Variants in SEMA4F observed in about 807,000 individuals in gnomAD.
The protein encoded by SEMA4F is semaphorin-4F.
SEMA4F carries 51 observed loss-of-function variants against 78.4 expected under a neutral mutation model. The ratio of observed to expected loss-of-function variants is 0.65; its 90% CI spans 0.52 to 0.82. The LOEUF (loss-of-function observed/expected upper bound fraction) is 0.82. Among genes scored for constraint, SEMA4F ranks in the 40% least tolerant of loss-of-function variants. SEMA4F has a pLI of 0.00. For synonymous variants in SEMA4F, 418 were observed against 408.7 expected (o/e 1.02, Z -0.27); for missense variants, 938 against 1,014.4 (o/e 0.92, Z 1.02).
chr2:74,674,855 T>C (rs1685176242), intron 8 of SEMA4F, 33 bp from the exon 9 acceptor site: 1 of 1,610,058 alleles, frequency 6.2e-7, no homozygotes, highest in African/African-American at 1.3e-5. Flanking sequence ...CCCAGACCCC[T>C]CCATATATCC....
rs1427559288 is a variant in SEMA4F, at chr2:74,654,400, C to T, written c.24C>T (p.Pro8=). The T allele has an allele frequency of 4.6e-6, 7 of 1,527,646 alleles. No individual in the cohort carries two copies. The South Asian group carries it at 7.2e-5, about 16-fold the overall frequency. 94.6% of individuals were successfully genotyped at this position (1,527,646 alleles called of 1,614,324 possible). Residue 8 remains proline, a synonymous_variant, in exon 1 of 14, where the codon CCC becomes CCT. Coordinates refer to ENST00000357877, the MANE Select transcript of SEMA4F (RefSeq NM_004263.5). Reference sequence around the variant, plus strand: ...AGATGCCGGCCTCTGCTGCGCGGCCCCGCCCGGGTCCCGGGCAGCCTACAG... The same window carrying T: ...AGATGCCGGCCTCTGCTGCGCGGCCTCGCCCGGGTCCCGGGCAGCCTACAG... MPASAAR[P]RPGPGQPTAS...
At position 74,674,675 on chromosome 2, in the gene SEMA4F, T is replaced by C. The variant is rs755915131; in HGVS notation, c.1000T>C (p.Trp334Arg). The change falls in exon 8 of 14, where the codon TGG (tryptophan) becomes CGG (arginine). Residue 334 changes from tryptophan to arginine, a missense_variant and splice_region_variant. Transcript: ENST00000357877. ...CTTTTATGGCATCTTTTCTTCCCAG[T>C]GGTGAGGGGTCTTGGTGTGGAGGAG... ...PIFYGIFSSQ[W>R]EGATISAVCA... The C allele has an allele frequency of 1.2e-6, 2 of 1,613,626 alleles. No individual in the cohort carries two copies. Among genetic ancestry groups the C allele is most frequent in the Non-Finnish European group, 1.7e-6 (2 of 1,179,818 alleles).
downstream of SEMA4F, among the ~76,000 whole-genome samples, chr2:74,685,207 G>A (rs188422893): frequency 3.9e-4 from 59 of 152,228 alleles, 1 homozygote; most frequent in Non-Finnish European, 7.9e-4. Flanking sequence ...AAATACCTGG[G>A]TAAGAAGGGC....
At chr2:74,664,894 A>T (rs1684604356) in intron 5 of SEMA4F, among the ~76,000 whole-genome samples, 1 of 152,016 alleles carries the variant, frequency 6.6e-6, no homozygotes, top group African/African-American at 2.4e-5. Context: ...AGCAGATAAC[A>T]TTTTTTCTTA....
chr2:74,670,765 C>T (rs556848540), intron 5 of SEMA4F, among the ~76,000 whole-genome samples: 19 of 152,282 alleles, frequency 1.2e-4, no homozygotes, highest in Admixed American at 9.8e-4. Flanking sequence ...ACTTTTCCCC[C>T]CTTGGAAATA....
intron 3 of SEMA4F, 22 bp downstream of exon 3, chr2:74,657,646 G>C (rs1338636069): frequency 1.2e-6 from 2 of 1,612,176 alleles, no homozygotes; most frequent in East Asian, 2.2e-5. Flanking sequence ...TCTGAGCCCT[G>C]TCTTGAGTGT....
chr2:74,698,953 C>A, the SEMA4F span, among the ~76,000 whole-genome samples: 8 of 152,204 alleles, frequency 5.3e-5, no homozygotes, highest in East Asian at 1.5e-3. Context: ...ATCACAGACT[C>A]CTGAAGTTTG....
intron 1 of SEMA4F, among the ~76,000 whole-genome samples, chr2:74,656,155 C>T (rs556491920): frequency 4.0e-5 from 6 of 151,768 alleles, no homozygotes; most frequent in Admixed American, 6.6e-5. Context: ...ATTACAGGTG[C>T]GCGCCACCTT....
At chr2:74,687,489 G>T (rs1264992915), downstream of SEMA4F, among the ~76,000 whole-genome samples, 1 of 152,132 alleles carries the variant, frequency 6.6e-6, no homozygotes, top group Admixed American at 6.5e-5. Flanking sequence ...TTTGTTCACT[G>T]TTGTATCCCC....
chr2:74,660,620 A>T (rs1214936772), intron 4 of SEMA4F, among the ~76,000 whole-genome samples: 7 of 152,266 alleles, frequency 4.6e-5, no homozygotes, highest in Non-Finnish European at 8.8e-5. Context: ...ATTCAGATAG[A>T]TAATATAGTG....
At chr2:74,695,632 A>G in the SEMA4F span, among the ~76,000 whole-genome samples, 1 of 152,268 alleles carries the variant, frequency 6.6e-6, no homozygotes, top group African/African-American at 2.4e-5. Context: ...TCAAAAGAGT[A>G]AATGAGTTAC....
rs538181023 is a variant in SEMA4F, at chr2:74,658,560, GTTTA to G, written c.456+612_456+615del. On this transcript the variant is annotated intron_variant, in intron 4 of 13. Transcript: ENST00000357877. This position sits in a 1 kb window ranked among gnomAD's most constrained non-coding sequence, Gnocchi z 4.3. ...TCAATCATGTTTTCTTATAGATCCTGTTTATTGCTGCTGAAGGCCTGGACATCAC... is the reference window on the plus strand; with the variant it reads ...TCAATCATGTTTTCTTATAGATCCTGTTGCTGCTGAAGGCCTGGACATCAC... Among the ~76,000 whole-genome samples, 146 of 152,344 alleles carry G rather than the reference GTTTA, an allele frequency of 9.6e-4. 2 individuals are homozygous for G. Among genetic ancestry groups the G allele is most frequent in the African/African-American group, 3.4e-3 (143 of 41,584 alleles).
chr2:74,685,701 G>A (rs1436005209), downstream of SEMA4F, among the ~76,000 whole-genome samples: 1 of 152,000 alleles, frequency 6.6e-6, no homozygotes, highest in Non-Finnish European at 1.5e-5. Flanking sequence ...TAAGTTGGCT[G>A]GGCAAATAAA....
chr2:74,662,165 C>T (rs1212017177), intron 4 of SEMA4F, among the ~76,000 whole-genome samples: 1 of 152,152 alleles, frequency 6.6e-6, no homozygotes, highest in Non-Finnish European at 1.5e-5. Context: ...TGCTGGTTCC[C>T]CTGTCCTCTG....
chr2:74,676,542 C>T (rs1039338121), intron 12 of SEMA4F, among the ~76,000 whole-genome samples: 1 of 152,200 alleles, frequency 6.6e-6, no homozygotes, highest in Non-Finnish European at 1.5e-5. Context: ...CTTTCTCTCA[C>T]ATGCTCCTCC....
At chr2:74,673,885 T>G in intron 7 of SEMA4F, 57 bp downstream of exon 7, 1 of 1,556,284 alleles carries the variant, frequency 6.4e-7, no homozygotes, top group Non-Finnish European at 8.7e-7. Context: ...GTCCCCCGTC[T>G]TATCTTTTCC....
rs1006032625 is a variant in SEMA4F, at chr2:74,680,575, G to A, written c.*366G>A. On this transcript the variant is annotated 3_prime_UTR_variant, in exon 14 of 14. Coordinates refer to ENST00000357877, the MANE Select transcript of SEMA4F (RefSeq NM_004263.5). ...CTGGTTGGAGCCTGGCCGGAAGGAA[G>A]AGCCCTGGAGGTGGTTGGGGGCAAA... The A allele has an allele frequency of 5.6e-6, 1 of 179,206 alleles. No individual in the cohort carries two copies. The highest frequency in any genetic ancestry group is 5.6e-5 in the Admixed American group (1 of 17,710). The allele number at this position is 179,206 out of a possible 1,614,324, so 11.1% of individuals were successfully genotyped here.
At chr2:74,704,111 C>T in the SEMA4F span, among the ~76,000 whole-genome samples, 1 of 152,070 alleles carries the variant, frequency 6.6e-6, no homozygotes, top group Middle Eastern at 3.4e-3. Context: ...TCCAAAGAGT[C>T]AAGTACATTA....
At chr2:74,707,167 A>G in the SEMA4F span, among the ~76,000 whole-genome samples, 12 of 152,370 alleles carry the variant, frequency 7.9e-5, no homozygotes, top group Non-Finnish European at 1.6e-4. Flanking sequence ...AATGTAGGCT[A>G]TATATTGTAT....
Sources: allele counts gnomAD v4.1 joint callset (sites outside exome capture counted in the v4.1 genomes callset), GRCh38; gene constraint gnomAD v4.1.1; non-coding constraint Gnocchi (gnomAD v3.1); transcripts MANE v1.5; gene names NCBI Gene and HGNC (gene_info 2026-07-23, HGNC 2026-07-21).